Variants in PCSK6 observed in about 807,000 individuals in gnomAD.
PCSK6 encodes paired basic amino acid cleaving enzyme 4.
In PCSK6, 85 loss-of-function variants were observed where a neutral mutation model predicts 123.3. The observed-to-expected ratio is 0.69, with a 90% CI of 0.58 to 0.83. The LOEUF (loss-of-function observed/expected upper bound fraction) is 0.83, where lower values mean the gene tolerates loss of function less well. PCSK6 is among the 40% of genes least tolerant of loss of function. The pLI is 0.00. For missense variants in PCSK6, 1,191 were observed against 1,282.3 expected (o/e 0.93, Z 1.09); for synonymous variants, 508 against 516.0 (o/e 0.98, Z 0.21).
chr15:101,334,162 G>C (rs1217530817), intron 13 of PCSK6: 2 of 152,192 alleles, frequency 1.3e-5, no homozygotes, highest in Admixed American at 6.5e-5. Flanking sequence ...TACGTGTGTG[G>C]TGACAGCGAC....
intron 13 of PCSK6, among the ~76,000 whole-genome samples, chr15:101,335,712 C>T (rs561633184): frequency 1.3e-5 from 2 of 152,302 alleles, no homozygotes; most frequent in African/African-American, 4.8e-5. Flanking sequence ...TACTCATGGA[C>T]GTTTAGGTTG....
At chr15:101,327,243 T>C (rs79757114) in intron 15 of PCSK6, among the ~76,000 whole-genome samples, 1,872 of 152,134 alleles carry the variant, frequency 0.012, 40 homozygotes, top group African/African-American at 0.043. Context: ...TGGTGTGTTG[T>C]TGGAAAAACA....
chr15:101,367,433 C>T (rs1378198639), intron 12 of PCSK6, among the ~76,000 whole-genome samples: 2 of 152,166 alleles, frequency 1.3e-5, no homozygotes, highest in African/African-American at 4.8e-5. Context: ...TCTGGGGGTT[C>T]TCTGAACACT....
chr15:101,318,492 C>CTTT, intron 18 of PCSK6, 70 bp from the exon 19 acceptor site: 1 of 1,270,104 alleles, frequency 7.9e-7, no homozygotes, highest in South Asian at 1.3e-5. Context: ...CCTCTAGCAC[C>CTTT]TTTCCCAAGA....
rs1270164719 is a variant in PCSK6, at chr15:101,476,548, G to GATTCCATT, written c.297+12818_297+12825dup. Among the ~76,000 whole-genome samples, 3 of 147,886 alleles carry GATTCCATT rather than the reference G, an allele frequency of 2.0e-5. No homozygotes were observed. The East Asian group carries it at 6.1e-4, about 30-fold the overall frequency. ...CCAAAAAAAAAAACATGTTTAGTGTGATTCCATTTATATTAAAAAAAAAAA... is the reference window on the plus strand; with the variant it reads ...CCAAAAAAAAAAACATGTTTAGTGTGATTCCATTATTCCATTTATATTAAAAAAAAAAA... On this transcript the variant is annotated intron_variant, in intron 1 of 21. Transcript: ENST00000611716.
At chr15:101,307,535 G>A in intron 20 of PCSK6, 1 of 517,722 alleles carries the variant, frequency 1.9e-6, no homozygotes, top group Non-Finnish European at 3.5e-6. Context: ...TGCCCTGGGA[G>A]GGCAGAGACA....
intron 13 of PCSK6, among the ~76,000 whole-genome samples, chr15:101,353,135 AT>A (rs144377926): frequency 0.016 from 2,364 of 152,306 alleles, 65 homozygotes; most frequent in African/African-American, 0.054. Context: ...ACAACTCATC[AT>A]AATGTAGAAT....
At chr15:101,436,162 C>T (rs1210859825) in intron 2 of PCSK6, among the ~76,000 whole-genome samples, 4 of 152,194 alleles carry the variant, frequency 2.6e-5, no homozygotes, top group African/African-American at 2.4e-5. Flanking sequence ...TCAGAGGGGC[C>T]CTGCTGTGGC....
chr15:101,315,587 C>T (rs2039971890), intron 19 of PCSK6, among the ~76,000 whole-genome samples: 1 of 152,248 alleles, frequency 6.6e-6, no homozygotes, highest in Non-Finnish European at 1.5e-5. Flanking sequence ...AAACAGAAAG[C>T]GTTTTCCTTT....
intron 10 of PCSK6, among the ~76,000 whole-genome samples, chr15:101,382,623 G>A (rs1274360981): frequency 6.6e-6 from 1 of 152,134 alleles, no homozygotes; most frequent in Non-Finnish European, 1.5e-5. Flanking sequence ...CCACGTGCCC[G>A]AAATGCAATA....
intron 1 of PCSK6, among the ~76,000 whole-genome samples, chr15:101,488,769 C>A (rs1466137336): frequency 1.3e-5 from 2 of 151,568 alleles, no homozygotes; most frequent in African/African-American, 4.8e-5. Context: ...TCTCCGACGG[C>A]GGCCGGGCTC....
chr15:101,422,071 C>T (rs947657998), intron 6 of PCSK6, among the ~76,000 whole-genome samples: 1 of 152,146 alleles, frequency 6.6e-6, no homozygotes, highest in African/African-American at 2.4e-5. Flanking sequence ...TGGGTATGCT[C>T]CAAGTTGACA....
intron 15 of PCSK6, among the ~76,000 whole-genome samples, chr15:101,331,102 A>G (rs887366806): frequency 6.6e-6 from 1 of 152,230 alleles, no homozygotes. Flanking sequence ...AACAGCTTCT[A>G]GTCTAACAAA....
intron 1 of PCSK6, among the ~76,000 whole-genome samples, chr15:101,478,232 G>A (rs181648592): frequency 6.6e-6 from 1 of 152,296 alleles, no homozygotes; most frequent in Admixed American, 6.5e-5. Context: ...TTGCTCATCT[G>A]TGTAATGGGA....
At chr15:101,475,966 A>G (rs1386121118) in intron 1 of PCSK6, among the ~76,000 whole-genome samples, 3 of 152,166 alleles carry the variant, frequency 2.0e-5, no homozygotes, top group African/African-American at 4.8e-5. Flanking sequence ...CTGTTGGGAG[A>G]GCCATGGCCA....
intron 20 of PCSK6, among the ~76,000 whole-genome samples, chr15:101,310,682 C>G (rs1483391783): frequency 1.3e-5 from 2 of 152,122 alleles, no homozygotes; most frequent in Admixed American, 6.5e-5. Context: ...CCACCAGGTC[C>G]CTCTGCTGTG....
intron 2 of PCSK6, among the ~76,000 whole-genome samples, chr15:101,434,125 A>AT (rs2056528405): frequency 6.6e-6 from 1 of 152,216 alleles, no homozygotes; most frequent in East Asian, 1.9e-4. Context: ...ATGTCCCCAT[A>AT]TATTACTGCC....
chr15:101,426,380 C>G (rs2056255640), intron 6 of PCSK6, among the ~76,000 whole-genome samples: 1 of 152,180 alleles, frequency 6.6e-6, no homozygotes, highest in Admixed American at 6.5e-5. Context: ...GGAACTGGCA[C>G]CCAGGTTGGC....
intron 13 of PCSK6, among the ~76,000 whole-genome samples, chr15:101,348,161 G>A (rs961286330): frequency 9.5e-5 from 12 of 125,936 alleles, no homozygotes; most frequent in Non-Finnish European, 1.9e-4. Flanking sequence ...CCGGGGTCCC[G>A]CTGGGTCGGA....
Sources: gnomAD v4.1 joint callset for allele counts (sites outside exome capture counted in the v4.1 genomes callset) on GRCh38, gnomAD v4.1.1 for gene constraint, MANE v1.5 for transcripts, NCBI Gene and HGNC (gene_info 2026-07-23, HGNC 2026-07-21) for gene names.